CLYBL: variants seen among roughly 807,000 people sequenced by gnomAD.
The protein encoded by CLYBL is citramalyl-CoA lyase.
Under a neutral mutation model 38.9 loss-of-function variants are expected in CLYBL, and 31 were observed. The ratio of observed to expected loss-of-function variants is 0.80; its 90% CI spans 0.60 to 1.08. The LOEUF is 1.08. CLYBL is among the 50% of genes least tolerant of loss of function. CLYBL has a pLI of 0.00. For missense variants in CLYBL, 434 were observed against 411.6 expected (o/e 1.05, Z -0.47); for synonymous variants, 171 against 158.6 (o/e 1.08, Z -0.59).
intron 7 of CLYBL, among the ~76,000 whole-genome samples, chr13:99,871,342 T>C (rs2051891439): frequency 3.9e-5 from 6 of 152,206 alleles, no homozygotes. Context: ...GTTTAGTTTT[T>C]CTCTACAGAC....
chr13:99,870,449 C>T (rs749648204), intron 6 of CLYBL, among the ~76,000 whole-genome samples: 4,466 of 152,208 alleles, frequency 0.029, no homozygotes, highest in Non-Finnish European at 0.045. Flanking sequence ...CCTCTGTAAG[C>T]TTTATGAAAA....
At chr13:99,825,894 C>T (rs1304725199) in intron 2 of CLYBL, among the ~76,000 whole-genome samples, 2 of 152,180 alleles carry the variant, frequency 1.3e-5, no homozygotes, top group South Asian at 4.1e-4. Context: ...CTCCCAGTCC[C>T]CTCTCTGCCC....
chr13:99,630,905 T>C (rs951896794), intron 1 of CLYBL, among the ~76,000 whole-genome samples: 1 of 152,212 alleles, frequency 6.6e-6, no homozygotes, highest in South Asian at 2.1e-4. Context: ...ACATGCCTAC[T>C]AAGGGATGGA....
chr13:99,867,440 TTAAA>T (rs1287493044), intron 6 of CLYBL, among the ~76,000 whole-genome samples: 2 of 152,114 alleles, frequency 1.3e-5, no homozygotes, highest in Non-Finnish European at 2.9e-5. Flanking sequence ...TATATTCAAA[TTAAA>T]TAAAGCTCTG....
intron 2 of CLYBL, among the ~76,000 whole-genome samples, chr13:99,800,976 C>T (rs2138940369): frequency 6.6e-6 from 1 of 151,326 alleles, no homozygotes. Context: ...AGGATAAAAT[C>T]ATCTGAGTCT....
chr13:99,648,642 T>C (rs923140223), intron 1 of CLYBL, among the ~76,000 whole-genome samples: 2 of 152,242 alleles, frequency 1.3e-5, no homozygotes, highest in African/African-American at 4.8e-5. Flanking sequence ...TTGTTATTTA[T>C]TGAAGATGGA....
chr13:99,607,595 A>G (rs1436919867), intron 1 of CLYBL, among the ~76,000 whole-genome samples: 1 of 152,160 alleles, frequency 6.6e-6, no homozygotes, highest in Non-Finnish European at 1.5e-5. Context: ...GGTTCCCTTG[A>G]CCACCATGTG....
intron 1 of CLYBL, among the ~76,000 whole-genome samples, chr13:99,748,429 GTTTTTTT>G (rs1165919560): frequency 5.6e-4 from 49 of 87,674 alleles, no homozygotes; most frequent in Admixed American, 5.2e-4. Flanking sequence ...CTAGTTTTGT[GTTTTTTT>G]TTTTTTTTTT....
chr13:99,655,917 G>A (rs1164829784), intron 1 of CLYBL, among the ~76,000 whole-genome samples: 1 of 152,240 alleles, frequency 6.6e-6, no homozygotes, highest in Non-Finnish European at 1.5e-5. Context: ...GAGAGGGCAT[G>A]TGTAGGCGGC....
In CLYBL at chr13:99,865,597, A is replaced by G. The variant is rs2051721397; in HGVS notation, c.635-643A>G. ...GGAGTGGCATGTTCCAAATGTAAAC[A>G]GGGACACTTCCCTCCCCTCAGGGTG... is the stretch of plus-strand genomic sequence containing the variant. On this transcript the variant is annotated intron_variant, in intron 5 of 8. Coordinates refer to ENST00000339105, the MANE Select transcript of CLYBL (RefSeq NM_206808.5). This position sits in a 1 kb window ranked among gnomAD's most constrained non-coding sequence, Gnocchi z 4.7. 6.6e-6 allele frequency among the ~76,000 whole-genome samples: 1 copy of G among 152,198 alleles called. No homozygotes were observed. The highest frequency in any genetic ancestry group is 2.4e-5 in the African/African-American group (1 of 41,462).
intron 1 of CLYBL, among the ~76,000 whole-genome samples, chr13:99,616,919 G>A (rs1250261766): frequency 6.6e-6 from 1 of 151,976 alleles, no homozygotes; most frequent in Non-Finnish European, 1.5e-5. Flanking sequence ...TCATGCCACT[G>A]CACTCCAGCC....
intron 1 of CLYBL, among the ~76,000 whole-genome samples, chr13:99,769,234 T>A (rs978781839): frequency 5.6e-4 from 86 of 152,222 alleles, no homozygotes; most frequent in African/African-American, 2.0e-3. Context: ...TAGCTGCTGC[T>A]CTGCTAAGAG....
chr13:99,772,606 G>A (rs1020603789), intron 1 of CLYBL, among the ~76,000 whole-genome samples: 5 of 152,130 alleles, frequency 3.3e-5, no homozygotes, highest in African/African-American at 7.2e-5. Flanking sequence ...GCTGAGGTGG[G>A]AGGATCACCT....
chr13:99,651,670 G>C (rs189216446), intron 1 of CLYBL, among the ~76,000 whole-genome samples: 2 of 152,176 alleles, frequency 1.3e-5, no homozygotes, highest in Non-Finnish European at 2.9e-5. Context: ...AGTGGCTCAC[G>C]CCTGTAATCC....
chr13:99,721,275 C>A (rs916784048), intron 1 of CLYBL, among the ~76,000 whole-genome samples: 1 of 151,558 alleles, frequency 6.6e-6, no homozygotes, highest in Admixed American at 6.6e-5. Flanking sequence ...GAACTTTGAC[C>A]GCAAGTGATC....
At position 99,820,900 on chromosome 13, in the gene CLYBL, C is replaced by A. The variant is rs1200518734; in HGVS notation, c.250-37961C>A. On this transcript the variant is annotated intron_variant, in intron 2 of 8. Transcript: ENST00000339105. ...AAGAAGGATCCTTAGCATGTTGTTT[C>A]ATTGTTTATGTACATTACCATACAT... 2.6e-5 allele frequency among the ~76,000 whole-genome samples: 4 copies of A among 152,138 alleles called. No homozygotes were observed. The East Asian group carries it at 7.7e-4, about 29-fold the overall frequency.
chr13:99,681,752 A>G (rs1173070493), intron 1 of CLYBL, among the ~76,000 whole-genome samples: 5 of 151,876 alleles, frequency 3.3e-5, no homozygotes, highest in Non-Finnish European at 2.9e-5. Flanking sequence ...ACGCCTGGTT[A>G]CTTTTTGTAT....
intron 1 of CLYBL, among the ~76,000 whole-genome samples, chr13:99,694,778 A>G (rs183569047): frequency 9.2e-5 from 14 of 152,328 alleles, no homozygotes; most frequent in Admixed American, 5.9e-4. Flanking sequence ...TGCCCTGGAC[A>G]TCGGTGCTTT....
At chr13:99,760,466 C>G (rs940877742) in intron 1 of CLYBL, among the ~76,000 whole-genome samples, 2 of 152,382 alleles carry the variant, frequency 1.3e-5, no homozygotes, top group African/African-American at 4.8e-5. Context: ...TGCACCTAAG[C>G]ATTTCTTGCA....
Sources: gnomAD v4.1 joint callset for allele counts (sites outside exome capture counted in the v4.1 genomes callset) on GRCh38, gnomAD v4.1.1 for gene constraint, Gnocchi (gnomAD v3.1) non-coding constraint, MANE v1.5 for transcripts, NCBI Gene and HGNC (gene_info 2026-07-23, HGNC 2026-07-21) for gene names.